The following PHKB variants were observed in gnomAD, a reference collection of about 807,000 sequenced individuals.
PHKB encodes the protein phosphorylase kinase regulatory subunit beta.
PHKB carries 122 observed loss-of-function variants against 152.1 expected under a neutral mutation model. That is an observed-to-expected ratio of 0.80 (90% CI 0.69 to 0.93). The LOEUF is 0.93. Ranked by LOEUF, PHKB falls within the 40% of genes least tolerant of loss-of-function variation. The pLI, the probability that PHKB is intolerant of heterozygous loss-of-function variation, is 0.00. For missense variants in PHKB, 1,304 were observed against 1,328.4 expected (o/e 0.98, Z 0.29); for synonymous variants, 436 against 464.9 (o/e 0.94, Z 0.80).
intron 28 of PHKB, among the ~76,000 whole-genome samples, chr16:47,695,344 G>T (rs1020715923): frequency 7.2e-5 from 11 of 152,158 alleles, no homozygotes; most frequent in African/African-American, 2.4e-4. Flanking sequence ...TAAGCCCATT[G>T]CTAGAGATCT....
intron 7 of PHKB, among the ~76,000 whole-genome samples, chr16:47,548,575 C>T (rs1388118630): frequency 6.6e-6 from 1 of 150,770 alleles, no homozygotes; most frequent in Non-Finnish European, 1.5e-5. Context: ...CCACTGCACT[C>T]CAGCCTGGGT....
chr16:47,547,507 A>T lies in PHKB; in HGVS notation c.669A>T (p.Arg223Ser). ...TGCCTGACTTTGGTGTCTGGGAAAG[A>T]GGAAGCAAATATAATAATGGCAGCA... ...YRVPDFGVWE[R>S]GSKYNNGSTE... Residue 223 changes from arginine (R) to serine (S), a missense_variant, in exon 7 of 31, where the codon AGA becomes AGT. Physicochemically the swap from Arg to Ser is moderately radical, Grantham distance 110 (BLOSUM62 -1). Coordinates refer to ENST00000323584, the MANE Select transcript of PHKB (RefSeq NM_000293.3). 1 of 1,612,356 alleles carries T rather than the reference A, an allele frequency of 6.2e-7. No individual in the cohort carries two copies. Among genetic ancestry groups the T allele is most frequent in the Non-Finnish European group, 8.5e-7 (1 of 1,178,410 alleles).
intron 9 of PHKB, 91 bp from the exon 10 acceptor site, chr16:47,588,814 C>A: frequency 9.1e-7 from 1 of 1,102,676 alleles, no homozygotes; most frequent in Non-Finnish European, 1.4e-6. Context: ...ACTGCATAAC[C>A]TCACTGGCTT....
chr16:47,565,765 C>T, intron 7 of PHKB: 1 of 1,503,008 alleles, frequency 6.7e-7, no homozygotes, highest in Non-Finnish European at 9.2e-7. Flanking sequence ...TTCTCTTGTT[C>T]CTTCTGTAGC....
chr16:47,498,332 A>C (rs776370528), intron 2 of PHKB, among the ~76,000 whole-genome samples: 1 of 152,326 alleles, frequency 6.6e-6, no homozygotes, highest in South Asian at 2.1e-4. Flanking sequence ...AATTTTTTAC[A>C]CTGGGAAAAA....
rs1395644500 is a variant in PHKB, at chr16:47,522,746, TC to T, written c.594+7146del. Among the ~76,000 whole-genome samples, 3 of 151,910 alleles carry T rather than the reference TC, an allele frequency of 2.0e-5. No homozygotes were observed. The East Asian group carries it at 5.8e-4, about 29-fold the overall frequency. Reference sequence around the variant, plus strand: ...GATATTCTGTGGTTTTTTTATTCATTCATCTCAATGTGTTTTTTGATTTCTC... The same window carrying T: ...GATATTCTGTGGTTTTTTTATTCATTATCTCAATGTGTTTTTTGATTTCTC... On this transcript the variant is annotated intron_variant, in intron 6 of 30. Transcript: ENST00000323584.
intron 6 of PHKB, among the ~76,000 whole-genome samples, chr16:47,526,879 T>A (rs1043693420): frequency 6.6e-6 from 1 of 152,178 alleles, no homozygotes; most frequent in African/African-American, 2.4e-5. Context: ...GTCTGCAGGC[T>A]CTATAAGCAT....
intron 8 of PHKB, 82 bp downstream of exon 8, chr16:47,580,440 C>G: frequency 9.7e-7 from 1 of 1,026,738 alleles, no homozygotes; most frequent in Non-Finnish European, 1.5e-6. Context: ...AAAGTCATTT[C>G]CTTATAATCA....
At chr16:47,565,205 C>G in intron 7 of PHKB, 2 of 631,958 alleles carry the variant, frequency 3.2e-6, no homozygotes, top group South Asian at 1.4e-5. Flanking sequence ...AGGTGCAGAT[C>G]TGGACTCTTG....
chr16:47,619,276 T>C (rs1972576180), intron 14 of PHKB: 1 of 152,130 alleles, frequency 6.6e-6, no homozygotes, highest in South Asian at 2.1e-4. Context: ...TTTGTAATGG[T>C]GTGAAGGAGT....
At chr16:47,482,413 A>G (rs1369325252) in intron 1 of PHKB, among the ~76,000 whole-genome samples, 2 of 152,156 alleles carry the variant, frequency 1.3e-5, no homozygotes, top group Admixed American at 6.5e-5. Context: ...TTTATAGTTT[A>G]TTGTGTTTTT....
At chr16:47,515,732 G>C in intron 6 of PHKB, 131 bp downstream of exon 6, 1 of 657,650 alleles carries the variant, frequency 1.5e-6, no homozygotes, top group Non-Finnish European at 2.7e-6. Context: ...TCAGATAGTA[G>C]ATGTTGGTTG....
chr16:47,618,432 T>C (rs1329223238), intron 14 of PHKB, among the ~76,000 whole-genome samples: 1 of 152,214 alleles, frequency 6.6e-6, no homozygotes, highest in African/African-American at 2.4e-5. Flanking sequence ...GTTATTTCTG[T>C]TGAGTGTCTT....
chr16:47,587,598 A>C lies in PHKB; in HGVS notation c.775-70A>C, dbSNP rs549156433. 239 of 1,122,796 alleles carry C rather than the reference A, an allele frequency of 2.1e-4. 1 individual carries two copies. In the African/African-American group the frequency reaches 3.4e-3, roughly 16 times the overall value. The allele number at this position is 1,122,796 out of a possible 1,614,324, so 69.6% of individuals were successfully genotyped here. A position where few individuals can be genotyped will look rare whatever the true frequency, so the allele number is the denominator to read the frequency against. ...GTCAGTATTTTTGTGAAGTTTTCAC[A>C]GTCAAAATGCCAAAGTTCTACAAGT... is the stretch of plus-strand genomic sequence containing the variant. On this transcript the variant is annotated intron_variant, in intron 8 of 30. Transcript: ENST00000323584.
At chr16:47,683,003 G>T (rs980412825) in intron 26 of PHKB, among the ~76,000 whole-genome samples, 1 of 152,190 alleles carries the variant, frequency 6.6e-6, no homozygotes, top group African/African-American at 2.4e-5. Context: ...TCAGCTGCAG[G>T]TCTGTTGGAG....
chr16:47,649,682 G>A (rs1029919519), intron 18 of PHKB, among the ~76,000 whole-genome samples: 2 of 150,660 alleles, frequency 1.3e-5, no homozygotes, highest in Non-Finnish European at 2.9e-5. Flanking sequence ...GACTGCATTC[G>A]TTAAAATCTT....
intron 6 of PHKB, among the ~76,000 whole-genome samples, chr16:47,518,319 A>G (rs1038764020): frequency 3.9e-5 from 6 of 152,178 alleles, no homozygotes; most frequent in Non-Finnish European, 8.8e-5. Context: ...TAGGTACTGC[A>G]TTGTCTGGAC....
intron 8 of PHKB, among the ~76,000 whole-genome samples, chr16:47,580,617 G>A (rs1386104719): frequency 1.3e-5 from 2 of 148,758 alleles, no homozygotes; most frequent in African/African-American, 4.9e-5. Context: ...CCTTGGTTCA[G>A]TGACTTTTCC....
At chr16:47,680,181 T>C (rs141866568) in intron 26 of PHKB, among the ~76,000 whole-genome samples, 2,090 of 152,364 alleles carry the variant, frequency 0.014, 21 homozygotes, top group Non-Finnish European at 0.022. Context: ...CAGTATTTTA[T>C]TGAGGGTTTG....
Sources: gnomAD v4.1 joint callset for allele counts (sites outside exome capture counted in the v4.1 genomes callset) on GRCh38, gnomAD v4.1.1 for gene constraint, MANE v1.5 for transcripts, NCBI Gene and HGNC (gene_info 2026-07-23, HGNC 2026-07-21) for gene names.